CRLS1: variants seen among roughly 807,000 people sequenced by gnomAD.
CRLS1 encodes cardiolipin synthase 1.
Under a neutral mutation model 37.0 loss-of-function variants are expected in CRLS1, and 24 were observed. The ratio of observed to expected loss-of-function variants is 0.65; its 90% CI spans 0.47 to 0.91. CRLS1 has a LOEUF of 0.91. Among genes scored for constraint, CRLS1 ranks in the 40% least tolerant of loss-of-function variants. The pLI, the probability that CRLS1 is intolerant of heterozygous loss-of-function variation, is 0.00. For missense variants in CRLS1, 373 were observed against 395.8 expected, an observed-to-expected ratio of 0.94 and a Z score of 0.49; for synonymous variants, 135 against 159.7, an observed-to-expected ratio of 0.85 and a Z score of 1.17.
chr20:6,034,660 G>C (rs1980420483), intron 6 of CRLS1, 105 bp downstream of exon 6: 1 of 781,850 alleles, frequency 1.3e-6, no homozygotes. Context: ...CACTGACTGG[G>C]TAAAGCTGTG....
At chr20:6,031,736 C>T (rs1241580260) in intron 4 of CRLS1, among the ~76,000 whole-genome samples, 1 of 152,044 alleles carries the variant, frequency 6.6e-6, no homozygotes, top group African/African-American at 2.4e-5. Flanking sequence ...GTATTTTGTT[C>T]ATTTTATTTT....
intron 6 of CRLS1, 149 bp downstream of exon 6, chr20:6,034,704 G>A (rs998850401): frequency 8.3e-5 from 51 of 614,868 alleles, no homozygotes; most frequent in Middle Eastern, 4.3e-4. Flanking sequence ...TTGTTAAGAC[G>A]CTTCCTGCCA....
At chr20:6,024,780 A>G (rs1222725202) in intron 3 of CRLS1, among the ~76,000 whole-genome samples, 1 of 152,244 alleles carries the variant, frequency 6.6e-6, no homozygotes, top group Non-Finnish European at 1.5e-5. Context: ...ATGTTAAGTA[A>G]GCAAAACAGC....
intron 1 of CRLS1, among the ~76,000 whole-genome samples, chr20:6,007,098 G>GTTC: frequency 6.6e-6 from 1 of 152,308 alleles, no homozygotes; most frequent in East Asian, 1.9e-4. Context: ...GTAACGGAGG[G>GTTC]AAGTATTTGT....
chr20:6,007,523 G>C (rs2090075214), intron 1 of CRLS1: 8 of 1,090,566 alleles, frequency 7.3e-6, no homozygotes, highest in Non-Finnish European at 1.1e-5. Context: ...TCTATGTGGA[G>C]CTAAAAAGAA....
chr20:6,030,920 G>T (rs180963671), intron 3 of CRLS1, among the ~76,000 whole-genome samples: 220 of 152,240 alleles, frequency 1.4e-3, no homozygotes, highest in South Asian at 2.5e-3. Flanking sequence ...AATGTGCAGA[G>T]CTTAGAAGTA....
chr20:6,017,733 T>C (rs888278302), intron 3 of CRLS1, among the ~76,000 whole-genome samples: 4 of 152,202 alleles, frequency 2.6e-5, no homozygotes, highest in Non-Finnish European at 5.9e-5. Flanking sequence ...TGCAATGAAC[T>C]TATGATCTGT....
At chr20:6,016,455 G>A (rs1021510898) in intron 3 of CRLS1, among the ~76,000 whole-genome samples, 15 of 75,046 alleles carry the variant, frequency 2.0e-4, no homozygotes, top group Admixed American at 1.7e-3. Flanking sequence ...GGGAATGGGG[G>A]TGTGTGTGTG....
intron 6 of CRLS1, among the ~76,000 whole-genome samples, chr20:6,035,005 G>C (rs551819195): frequency 6.6e-6 from 1 of 152,214 alleles, no homozygotes; most frequent in South Asian, 2.1e-4. Flanking sequence ...GGAGAGAGGA[G>C]TTTGAATTTT....
In CRLS1 at chr20:6,006,204, T is replaced by G; in HGVS notation, c.-43T>G. The G allele has an allele frequency of 8.7e-7, 1 of 1,148,370 alleles. No homozygotes were observed. Among genetic ancestry groups the G allele is most frequent in the Non-Finnish European group, 1.1e-6 (1 of 915,976 alleles). 71.1% of individuals were successfully genotyped at this position (1,148,370 alleles called of 1,614,324 possible). A position where few individuals can be genotyped will look rare whatever the true frequency, so the allele number is the denominator to read the frequency against. ...GCGGCTCGCCAGTGTCCCAGGCTGCTGAGCTCTCGCCGCCCGAGACCCCGC... is the reference window on the plus strand; with the variant it reads ...GCGGCTCGCCAGTGTCCCAGGCTGCGGAGCTCTCGCCGCCCGAGACCCCGC... On this transcript the variant is annotated 5_prime_UTR_variant, in exon 1 of 7. It removes the in-frame stop codon of an upstream open reading frame in the 5' UTR. Coordinates refer to ENST00000378863, the MANE Select transcript of CRLS1 (RefSeq NM_019095.6).
intron 3 of CRLS1, among the ~76,000 whole-genome samples, chr20:6,029,340 T>G (rs1979963808): frequency 2.6e-5 from 4 of 151,456 alleles, no homozygotes; most frequent in Admixed American, 2.0e-4. Flanking sequence ...AGATTTTAAT[T>G]TGCATGGATT....
chr20:6,019,560 T>C lies in CRLS1; in HGVS notation c.574+4070T>C, dbSNP rs149361586. ...TTTTTTGCCAGAGGTTTGTCAGTTT[T>C]ATGAATCTTTTGAAAGAATCAGCTT... On this transcript the variant is annotated intron_variant, in intron 3 of 6. Coordinates refer to ENST00000378863, the MANE Select transcript of CRLS1 (RefSeq NM_019095.6). Among the ~76,000 whole-genome samples, 877 of 151,752 alleles carry C rather than the reference T, an allele frequency of 5.8e-3. 12 individuals carry two copies. Among genetic ancestry groups the C allele is most frequent in the Middle Eastern group, 0.031 (9 of 294 alleles).
chr20:6,006,709 G>A (rs2090061262), intron 1 of CRLS1, 157 bp downstream of exon 1: 1 of 985,316 alleles, frequency 1.0e-6, no homozygotes, highest in Non-Finnish European at 1.2e-6. Context: ...ATTCGGTCGG[G>A]ATGAATTTCA....
At chr20:6,012,733 A>G (rs1978425164) in intron 2 of CRLS1, among the ~76,000 whole-genome samples, 1 of 152,188 alleles carries the variant, frequency 6.6e-6, no homozygotes, top group Admixed American at 6.5e-5. Context: ...GGGAGCTGTC[A>G]GATATAGATG....
At chr20:6,032,705 G>A (rs1415427387) in intron 5 of CRLS1, among the ~76,000 whole-genome samples, 1 of 152,098 alleles carries the variant, frequency 6.6e-6, no homozygotes, top group Non-Finnish European at 1.5e-5. Context: ...GAGCATTCAG[G>A]GCAATAAGTA....
chr20:6,038,140 A>C lies in CRLS1; in HGVS notation c.*982A>C, dbSNP rs1265760536. The C allele has an allele frequency of 6.6e-6, 1 of 152,214 alleles. No homozygotes were observed. The highest frequency in any genetic ancestry group is 2.4e-5 in the African/African-American group (1 of 41,460). 9.4% of individuals were successfully genotyped at this position (152,214 alleles called of 1,614,324 possible). On this transcript the variant is annotated 3_prime_UTR_variant, in exon 7 of 7. Transcript: ENST00000378863. The stretch of plus-strand genomic sequence containing the variant: ...CAGAGTCCATTCATGTACATCACTT[A>C]CACTTAAATTGTAAAAATAATTAGT...
At chr20:6,036,139 AG>A (rs900968241) in intron 6 of CRLS1, among the ~76,000 whole-genome samples, 6 of 152,042 alleles carry the variant, frequency 3.9e-5, no homozygotes, top group African/African-American at 1.4e-4. Context: ...TTGTAGAAAC[AG>A]GGTCTCACTA....
In CRLS1 at chr20:6,039,222, G is replaced by A. The variant is rs1162667031; in HGVS notation, c.*2064G>A. ...TTCACCTCAGCTTCCCAAGTAGCTG[G>A]GATTACAGGTGCACACCAACTGTGC... is the stretch of plus-strand genomic sequence containing the variant. On this transcript the variant is annotated 3_prime_UTR_variant, in exon 7 of 7. Transcript: ENST00000378863. The A allele has an allele frequency of 6.6e-6, 1 of 151,804 alleles. No homozygotes were observed. Among genetic ancestry groups the A allele is most frequent in the Non-Finnish European group, 1.5e-5 (1 of 67,996 alleles). 9.4% of individuals were successfully genotyped at this position (151,804 alleles called of 1,614,324 possible). A position where few individuals can be genotyped will look rare whatever the true frequency, so the allele number is the denominator to read the frequency against.
chr20:6,034,655 A>C, intron 6 of CRLS1, 100 bp downstream of exon 6: 1 of 842,568 alleles, frequency 1.2e-6, no homozygotes, highest in East Asian at 2.5e-5. Context: ...TTGAGCACTG[A>C]CTGGGTAAAG....
Sources: gnomAD v4.1 joint callset for allele counts (sites outside exome capture counted in the v4.1 genomes callset) on GRCh38, gnomAD v4.1.1 for gene constraint, MANE v1.5 for transcripts, NCBI Gene and HGNC (gene_info 2026-07-23, HGNC 2026-07-21) for gene names.